The following TMEM45A variants were observed in gnomAD, a reference collection of about 807,000 sequenced individuals.
The protein encoded by TMEM45A is transmembrane protein 45A.
A neutral mutation model predicts 32.0 loss-of-function variants in TMEM45A; 25 were observed. The ratio of observed to expected loss-of-function variants is 0.78; its 90% CI spans 0.57 to 1.09. TMEM45A has a LOEUF of 1.09. Among genes scored for constraint, TMEM45A ranks in the 50% least tolerant of loss-of-function variants. The probability of loss-of-function intolerance (pLI) is 0.00; values close to 1 mark genes in which losing one functional copy is unlikely to be tolerated. For synonymous variants in TMEM45A, 122 were observed against 114.8 expected, an observed-to-expected ratio of 1.06 and a Z score of -0.40; for missense variants, 302 against 325.0, an observed-to-expected ratio of 0.93 and a Z score of 0.54.
intron 1 of TMEM45A, among the ~76,000 whole-genome samples, chr3:100,529,373 T>A (rs1160802626): frequency 1.3e-5 from 2 of 152,104 alleles, no homozygotes; most frequent in Admixed American, 1.3e-4. Context: ...GCTTGGTGCT[T>A]GAATAAATAA....
At chr3:100,541,554 G>T in intron 1 of TMEM45A, among the ~76,000 whole-genome samples, 1 of 131,934 alleles carries the variant, frequency 7.6e-6, no homozygotes. Flanking sequence ...TCTGAGACAG[G>T]GTCTCACTCC....
At chr3:100,549,958 C>T (rs1034812058) in intron 1 of TMEM45A, among the ~76,000 whole-genome samples, 2 of 146,026 alleles carry the variant, frequency 1.4e-5, no homozygotes, top group Non-Finnish European at 3.0e-5. Flanking sequence ...TTTCTTAATC[C>T]AGTCTATCGT....
At chr3:100,535,711 A>G (rs1440662103) in intron 1 of TMEM45A, among the ~76,000 whole-genome samples, 1 of 152,168 alleles carries the variant, frequency 6.6e-6, no homozygotes, top group Admixed American at 6.5e-5. Context: ...ATTTAATACT[A>G]AGTCTCTTTA....
intron 1 of TMEM45A, among the ~76,000 whole-genome samples, chr3:100,554,926 A>C (rs1236235755): frequency 1.3e-5 from 2 of 152,240 alleles, no homozygotes; most frequent in Admixed American, 1.3e-4. Context: ...ATTCATGGGT[A>C]TGTTGCATAA....
At chr3:100,510,723 GA>G (rs1464622771) in intron 1 of TMEM45A, among the ~76,000 whole-genome samples, 2 of 152,140 alleles carry the variant, frequency 1.3e-5, no homozygotes, top group African/African-American at 2.4e-5. Context: ...TGAAAACTTT[GA>G]AAAAAATTTA....
At chr3:100,529,140 T>G (rs189359479) in intron 1 of TMEM45A, among the ~76,000 whole-genome samples, 1 of 152,250 alleles carries the variant, frequency 6.6e-6, no homozygotes, top group African/African-American at 2.4e-5. Context: ...ACCTCAAATG[T>G]TTGGTTGTGC....
chr3:100,506,929 G>T (rs1708087658), intron 1 of TMEM45A, among the ~76,000 whole-genome samples: 2 of 152,212 alleles, frequency 1.3e-5, no homozygotes, highest in South Asian at 4.1e-4. Context: ...AACCCAACAG[G>T]AACATACAGA....
intron 4 of TMEM45A, among the ~76,000 whole-genome samples, chr3:100,567,228 A>C (rs1035961542): frequency 6.6e-6 from 1 of 151,816 alleles, no homozygotes; most frequent in Non-Finnish European, 1.5e-5. Context: ...TTTCATGTGA[A>C]TACCCGGTTA....
At chr3:100,574,634 G>C (rs1706644038) in intron 5 of TMEM45A, 2 of 152,206 alleles carry the variant, frequency 1.3e-5, no homozygotes, top group Non-Finnish European at 2.9e-5. Flanking sequence ...GATCTCTCCT[G>C]TGATGTTCAC....
chr3:100,569,075 C>T, intron 5 of TMEM45A, 108 bp downstream of exon 5: 1 of 1,162,780 alleles, frequency 8.6e-7, no homozygotes, highest in Non-Finnish European at 1.2e-6. Flanking sequence ...TCCTTATCAT[C>T]CCATAAGACA....
chr3:100,567,747 A>G (rs1706473853), intron 4 of TMEM45A, among the ~76,000 whole-genome samples: 1 of 152,056 alleles, frequency 6.6e-6, no homozygotes. Context: ...AAAGTATTTT[A>G]TTCTTTTTAA....
chr3:100,493,120 C>CATTTTTTTTTTTTTTT (rs1559630375), intron 1 of TMEM45A, among the ~76,000 whole-genome samples, 192 bp downstream of exon 1: 1 of 115,918 alleles, frequency 8.6e-6, no homozygotes, highest in African/African-American at 3.4e-5. Flanking sequence ...GTTTGCTATT[C>CATTTTTTTTTTTTTTT]TTTTTTTTTT....
In TMEM45A at chr3:100,492,818, G is replaced by A. The variant is rs1707866431; in HGVS notation, c.-114G>A. The A allele has an allele frequency of 1.4e-5, 2 of 145,356 alleles. No homozygotes were observed. Among genetic ancestry groups the A allele is most frequent in the Non-Finnish European group, 3.0e-5 (2 of 67,364 alleles). The allele number at this position is 145,356 out of a possible 1,614,324, so 9.0% of individuals were successfully genotyped here. A position where few individuals can be genotyped will look rare whatever the true frequency, so the allele number is the denominator to read the frequency against. On this transcript the variant is annotated 5_prime_UTR_variant, in exon 1 of 6. Transcript: ENST00000323523. ...TCCAACACACGGTTTAATTTTCATG[G>A]GGCTCTGGGATCAAAAGAACAGAAA...
At chr3:100,506,281 G>A (rs975903768) in intron 1 of TMEM45A, among the ~76,000 whole-genome samples, 1 of 152,104 alleles carries the variant, frequency 6.6e-6, no homozygotes, top group African/African-American at 2.4e-5. Flanking sequence ...TCATAAAAAA[G>A]CAATTTGCAA....
chr3:100,576,908 C>G lies in TMEM45A; in HGVS notation c.735-17C>G. On this transcript the variant is annotated splice_polypyrimidine_tract_variant and intron_variant, in intron 5 of 5. Coordinates refer to ENST00000323523, the MANE Select transcript of TMEM45A (RefSeq NM_018004.3). The stretch of plus-strand genomic sequence containing the variant: ...TTTAAAAACCGTCTAACTTGAGATG[C>G]TTTTCTTTCTCCTCAGGTTGGTTAA... The G allele has an allele frequency of 6.3e-7, 1 of 1,579,370 alleles. No homozygotes were observed. Among genetic ancestry groups the G allele is most frequent in the Non-Finnish European group, 8.7e-7 (1 of 1,150,380 alleles).
intron 1 of TMEM45A, among the ~76,000 whole-genome samples, chr3:100,501,875 CTG>C (rs1440648089): frequency 2.6e-5 from 4 of 152,200 alleles, no homozygotes; most frequent in Admixed American, 2.6e-4. Flanking sequence ...TTAGTAGAGA[CTG>C]TGTCTATCTC....
At chr3:100,558,672 A>G in intron 4 of TMEM45A, 83 bp downstream of exon 4, 1 of 1,394,218 alleles carries the variant, frequency 7.2e-7, no homozygotes, top group East Asian at 2.3e-5. Context: ...TTGCTCCCGG[A>G]GACTTCCCTC....
intron 1 of TMEM45A, among the ~76,000 whole-genome samples, chr3:100,511,053 G>A (rs1268445835): frequency 6.6e-6 from 1 of 152,176 alleles, no homozygotes; most frequent in Non-Finnish European, 1.5e-5. Flanking sequence ...CACTCTTCAG[G>A]ATATTATCCA....
chr3:100,548,902 A>G (rs1436902627), intron 1 of TMEM45A, among the ~76,000 whole-genome samples: 1 of 152,146 alleles, frequency 6.6e-6, no homozygotes, highest in Non-Finnish European at 1.5e-5. Context: ...GGTTTTGGCC[A>G]TGACTTCAAC....
Sources: allele counts gnomAD v4.1 joint callset (sites outside exome capture counted in the v4.1 genomes callset), GRCh38; gene constraint gnomAD v4.1.1; transcripts MANE v1.5; gene names NCBI Gene and HGNC (gene_info 2026-07-23, HGNC 2026-07-21).